Variants in RIMS2 observed in about 807,000 individuals in gnomAD.
RIMS2 encodes regulating synaptic membrane exocytosis protein 2.
In RIMS2, 59 loss-of-function variants were observed where a neutral mutation model predicts 174.4. The observed-to-expected ratio is 0.34, with a 90% CI of 0.27 to 0.42. RIMS2 has a LOEUF of 0.42. RIMS2 is among the 10% of genes least tolerant of loss of function. RIMS2 has a pLI of 1.00. For missense variants in RIMS2, 1,620 were observed against 1,666.3 expected, an observed-to-expected ratio of 0.97 and a Z score of 0.48; for synonymous variants, 606 against 572.5, an observed-to-expected ratio of 1.06 and a Z score of -0.84.
At chr8:104,081,528 C>T (rs1434717930) in intron 19 of RIMS2, among the ~76,000 whole-genome samples, 1 of 151,798 alleles carries the variant, frequency 6.6e-6, no homozygotes. Flanking sequence ...TTATTTTAAG[C>T]ATATCCCTAA....
At position 103,506,297 on chromosome 8, in the gene RIMS2, C is replaced by T. The variant is rs577633671; in HGVS notation, c.176+5235C>T. 3.9e-5 allele frequency among the ~76,000 whole-genome samples: 6 copies of T among 152,124 alleles called. No homozygotes were observed. In the South Asian group the frequency reaches 1.0e-3, roughly 26 times the overall value. Reference sequence around the variant, plus strand: ...AATAAGGGCAATTAAATAATATCTTCCTCTTGACAATAGATTTTGATAAAG... The same window carrying T: ...AATAAGGGCAATTAAATAATATCTTTCTCTTGACAATAGATTTTGATAAAG... On this transcript the variant is annotated intron_variant, in intron 1 of 23. Coordinates refer to ENST00000504942, the Ensembl canonical transcript of RIMS2.
intron 19 of RIMS2, among the ~76,000 whole-genome samples, chr8:104,106,037 C>CAAAAAAAAAAAAAAAAAA (rs575916023): frequency 1.9e-4 from 11 of 56,914 alleles, no homozygotes; most frequent in African/African-American, 4.1e-4. Flanking sequence ...GACTCTGCCA[C>CAAAAAAAAAAAAAAAAAA]AAAAAAAAAA....
chr8:103,759,588 AG>A lies in RIMS2; in HGVS notation c.388-6638del, dbSNP rs1171259073. Among the ~76,000 whole-genome samples the A allele has an allele frequency of 3.4e-3, 491 of 145,518 alleles. 4 individuals carry two copies. The highest frequency in any genetic ancestry group is 0.012 in the African/African-American group (461 of 39,086). The stretch of plus-strand genomic sequence containing the variant: ...TCAAAAAAAAAAAAAAAAAAAAAAA[AG>A]AAAAGAAAAAAGAAAGGCCAAGAAA... On this transcript the variant is annotated intron_variant, in intron 2 of 23. Coordinates refer to ENST00000504942, the Ensembl canonical transcript of RIMS2.
At chr8:104,014,615 A>G (rs1193205267) in exon 19 of RIMS2, 6 of 1,588,930 alleles carry the variant, frequency 3.8e-6, no homozygotes, top group Non-Finnish European at 5.2e-6. Flanking sequence ...GTTGGATAGA[A>G]GTAAGTTTTA....
chr8:103,859,397 C>G (rs566654994), intron 3 of RIMS2, among the ~76,000 whole-genome samples: 3 of 152,186 alleles, frequency 2.0e-5, no homozygotes, highest in Non-Finnish European at 4.4e-5. Flanking sequence ...CTCCCACCCC[C>G]CACTGAAGGC....
intron 5 of RIMS2, chr8:103,910,504 A>T (rs766132656): frequency 1.9e-6 from 3 of 1,595,378 alleles, no homozygotes; most frequent in Non-Finnish European, 1.7e-6. Flanking sequence ...ACAACCCTTA[A>T]CGAGGAGCAT....
chr8:104,132,677 C>T (rs1170538142), intron 19 of RIMS2, among the ~76,000 whole-genome samples: 1 of 152,166 alleles, frequency 6.6e-6, no homozygotes, highest in East Asian at 1.9e-4. Flanking sequence ...GCGTATCATA[C>T]CTGTACGGTA....
At chr8:103,774,371 A>T (rs2098288564) in intron 3 of RIMS2, among the ~76,000 whole-genome samples, 1 of 152,228 alleles carries the variant, frequency 6.6e-6, no homozygotes, top group Non-Finnish European at 1.5e-5. Context: ...AAATACTTGT[A>T]TGATAATGTT....
intron 1 of RIMS2, among the ~76,000 whole-genome samples, chr8:103,644,669 T>C (rs1006476748): frequency 2.6e-5 from 4 of 151,202 alleles, no homozygotes; most frequent in Non-Finnish European, 5.9e-5. Context: ...TTTAAAGACA[T>C]TTTAAATATT....
At chr8:104,012,850 T>C (rs2154553808) in intron 17 of RIMS2, among the ~76,000 whole-genome samples, 2 of 152,266 alleles carry the variant, frequency 1.3e-5, no homozygotes, top group South Asian at 4.1e-4. Flanking sequence ...ATAGCTAAAG[T>C]GCACCAAGAT....
rs376044469 is a variant in RIMS2, at chr8:103,636,513, G to T, written c.177-60573G>T. On this transcript the variant is annotated intron_variant, in intron 1 of 23. Transcript: ENST00000504942. ...AAACATGGTTTCTCCCCTGGGAAGGGTCACTCATTCACTCACTGCTTCTTT... is the reference window on the plus strand; with the variant it reads ...AAACATGGTTTCTCCCCTGGGAAGGTTCACTCATTCACTCACTGCTTCTTT... Among the ~76,000 whole-genome samples, 4 of 151,360 alleles carry T rather than the reference G, an allele frequency of 2.6e-5. No individual in the cohort carries two copies. The East Asian group carries it at 5.8e-4, about 22-fold the overall frequency.
intron 17 of RIMS2, among the ~76,000 whole-genome samples, chr8:104,012,939 C>T (rs2095806268): frequency 6.6e-6 from 1 of 152,150 alleles, no homozygotes; most frequent in African/African-American, 2.4e-5. Context: ...ACTTCACAGT[C>T]ACCCTATTTT....
At chr8:103,579,898 A>T (rs1563863197) in intron 1 of RIMS2, among the ~76,000 whole-genome samples, 1 of 152,194 alleles carries the variant, frequency 6.6e-6, no homozygotes, top group Non-Finnish European at 1.5e-5. Flanking sequence ...AAATGGTGGC[A>T]GGAGACAGAG....
chr8:103,957,338 T>C (rs943315989), intron 14 of RIMS2, among the ~76,000 whole-genome samples: 1 of 152,164 alleles, frequency 6.6e-6, no homozygotes, highest in African/African-American at 2.4e-5. Flanking sequence ...TAGCAAAGAC[T>C]TGGAACCAAC....
intron 2 of RIMS2, among the ~76,000 whole-genome samples, chr8:103,762,010 C>A (rs2098117716): frequency 6.7e-6 from 1 of 149,620 alleles, no homozygotes; most frequent in African/African-American, 2.5e-5. Flanking sequence ...ATTGTATATA[C>A]CTAATGTAAA....
chr8:103,740,326 A>G (rs1003219665), intron 2 of RIMS2, among the ~76,000 whole-genome samples: 5 of 152,216 alleles, frequency 3.3e-5, no homozygotes, highest in Non-Finnish European at 7.3e-5. Context: ...TGCATAAGCC[A>G]TGATGACTTA....
chr8:103,968,799 A>G (rs73699028), intron 15 of RIMS2, among the ~76,000 whole-genome samples: 10 of 152,066 alleles, frequency 6.6e-5, no homozygotes, highest in African/African-American at 2.4e-4. Context: ...TCCTTTTTCA[A>G]TGCTCTTTCT....
Position 103,607,141 on chromosome 8 carries a change from G to A in RIMS2, c.177-89945G>A, listed in dbSNP as rs1353538221. Among the ~76,000 whole-genome samples, 7 of 152,008 alleles carry A rather than the reference G, an allele frequency of 4.6e-5. No individual in the cohort carries two copies. The East Asian group carries it at 9.6e-4, about 21-fold the overall frequency. ...GCATGATTTTGCAGTGGCTGGTGCC[G>A]GTTGTTCCTTTCCATGTGTAGTGCT... On this transcript the variant is annotated intron_variant, in intron 1 of 23. Coordinates refer to ENST00000504942, the Ensembl canonical transcript of RIMS2.
exon 1 of RIMS2, chr8:103,500,773 T>C: frequency 1.7e-6 from 1 of 587,188 alleles, no homozygotes; most frequent in African/African-American, 1.9e-5. Context: ...TGAAGGCCAT[T>C]GATTTGTATG....
Sources: allele counts gnomAD v4.1 joint callset (sites outside exome capture counted in the v4.1 genomes callset), GRCh38; gene constraint gnomAD v4.1.1; transcripts MANE v1.5; gene names NCBI Gene and HGNC (gene_info 2026-07-23, HGNC 2026-07-21).